SORBS2: variants seen among roughly 807,000 people sequenced by gnomAD.
SORBS2 encodes sorbin and SH3 domain-containing protein 2.
Under a neutral mutation model 97.7 loss-of-function variants are expected in SORBS2, and 46 were observed. The ratio of observed to expected loss-of-function variants is 0.47; its 90% confidence interval spans 0.37 to 0.60. The LOEUF is 0.60. Among genes scored for constraint, SORBS2 ranks in the 20% least tolerant of loss-of-function variants. The pLI, the probability that SORBS2 is intolerant of heterozygous loss-of-function variation, is 0.00. For missense variants in SORBS2, 1,316 were observed against 1,282.3 expected (o/e 1.03, Z -0.40); for synonymous variants, 476 against 473.4 (o/e 1.01, Z -0.07).
intron 2 of SORBS2, among the ~76,000 whole-genome samples, chr4:185,737,659 C>T (rs916234834): frequency 6.6e-6 from 1 of 152,092 alleles, no homozygotes; most frequent in Non-Finnish European, 1.5e-5. Flanking sequence ...GTGGAGAAGG[C>T]GGCTGCCTCT....
intron 1 of SORBS2, among the ~76,000 whole-genome samples, chr4:185,796,068 AT>A (rs958999866): frequency 2.0e-5 from 3 of 151,700 alleles, no homozygotes; most frequent in African/African-American, 7.3e-5. Context: ...AAATTCCCTT[AT>A]TTTTTTTAAA....
At chr4:185,727,245 G>A (rs2098560490) in intron 2 of SORBS2, among the ~76,000 whole-genome samples, 1 of 152,138 alleles carries the variant, frequency 6.6e-6, no homozygotes. Flanking sequence ...CTGAAGAGTG[G>A]ACAGATTCTT....
At chr4:185,925,861 A>T (rs2149942777) in intron 1 of SORBS2, among the ~76,000 whole-genome samples, 1 of 152,340 alleles carries the variant, frequency 6.6e-6, no homozygotes, top group East Asian at 1.9e-4. Context: ...TATAAGAAAG[A>T]ACTAACTAGG....
At chr4:185,752,852 A>G (rs2098809407) in intron 2 of SORBS2, among the ~76,000 whole-genome samples, 1 of 152,220 alleles carries the variant, frequency 6.6e-6, no homozygotes, top group Non-Finnish European at 1.5e-5. Context: ...ATATATCCTG[A>G]AGAATCTGTA....
At chr4:185,617,495 T>C (rs1270093025) in intron 9 of SORBS2, among the ~76,000 whole-genome samples, 1 of 151,178 alleles carries the variant, frequency 6.6e-6, no homozygotes, top group African/African-American at 2.4e-5. Flanking sequence ...TCATATTATA[T>C]GCATTTTTAT....
chr4:185,588,596 TCCTCCTCCTC>T (rs1396489445), intron 14 of SORBS2, among the ~76,000 whole-genome samples: 1 of 150,930 alleles, frequency 6.6e-6, no homozygotes, highest in East Asian at 2.0e-4. Flanking sequence ...TTCTCCTCCC[TCCTCCTCCTC>T]CCTCCTCCTC....
In SORBS2 at chr4:185,785,996, C is replaced by T. The variant is rs141082254; in HGVS notation, c.-337-10630G>A. On this transcript the variant is annotated intron_variant, in intron 1 of 20. Transcript: ENST00000284776. ...TAGATACCATTTTGTTTACATTACA[C>T]GGAAAAAAATTATTTGCAAATTGAT... Among the ~76,000 whole-genome samples, 128 of 152,042 alleles carry T rather than the reference C, an allele frequency of 8.4e-4. 1 individual carries two copies. The highest frequency in any genetic ancestry group is 5.2e-3 in the South Asian group (25 of 4,810).
At chr4:185,828,556 G>A (rs1403296434) in intron 1 of SORBS2, among the ~76,000 whole-genome samples, 3 of 151,892 alleles carry the variant, frequency 2.0e-5, no homozygotes, top group Non-Finnish European at 4.4e-5. Context: ...ATACAACAAA[G>A]AAAGAAAAGA....
chr4:185,712,269 T>A (rs542217975), intron 2 of SORBS2, among the ~76,000 whole-genome samples: 1 of 152,268 alleles, frequency 6.6e-6, no homozygotes, highest in African/African-American at 2.4e-5. Flanking sequence ...GCAGCTTGAC[T>A]TTGGAGGGAC....
chr4:185,644,164 G>A (rs2097172886), intron 4 of SORBS2, among the ~76,000 whole-genome samples: 1 of 152,104 alleles, frequency 6.6e-6, no homozygotes, highest in South Asian at 2.1e-4. Flanking sequence ...AAATTGTTTA[G>A]GAGGGTTAAC....
intron 8 of SORBS2, 29 bp from the exon 21 acceptor site, chr4:185,618,660 A>G: frequency 6.8e-7 from 1 of 1,460,912 alleles, no homozygotes; most frequent in Non-Finnish European, 9.3e-7. Flanking sequence ...AATTAGCACT[A>G]ATTTAAAATT....
At chr4:185,787,519 T>C (rs565535733) in intron 1 of SORBS2, among the ~76,000 whole-genome samples, 9 of 152,308 alleles carry the variant, frequency 5.9e-5, no homozygotes, top group Admixed American at 4.6e-4. Context: ...CTATATAGCC[T>C]CTCTATTTTT....
chr4:185,641,417 G>C (rs1471934173), intron 4 of SORBS2, among the ~76,000 whole-genome samples: 3 of 152,068 alleles, frequency 2.0e-5, no homozygotes, highest in Non-Finnish European at 2.9e-5. Flanking sequence ...CTTTGCTGTG[G>C]TTGCCGTATT....
At chr4:185,867,850 A>G (rs1157903980) in intron 1 of SORBS2, among the ~76,000 whole-genome samples, 1 of 151,920 alleles carries the variant, frequency 6.6e-6, no homozygotes, top group Non-Finnish European at 1.5e-5. Context: ...GGGCACCTAC[A>G]CCTCGAGGGG....
At chr4:185,724,783 C>T (rs1004769291) in intron 2 of SORBS2, among the ~76,000 whole-genome samples, 1 of 152,112 alleles carries the variant, frequency 6.6e-6, no homozygotes, top group Non-Finnish European at 1.5e-5. Context: ...GTAGAATTTC[C>T]CTGACCTTTT....
At chr4:185,635,289 T>C (rs1352155201) in intron 4 of SORBS2, 66 bp downstream of exon 16, 5 of 1,134,186 alleles carry the variant, frequency 4.4e-6, no homozygotes, top group Non-Finnish European at 6.6e-6. Context: ...AAAACACAGA[T>C]GTGCAGAATC....
At chr4:185,775,119 T>A (rs1392749976) in intron 2 of SORBS2, 108 bp downstream of exon 2, 1 of 152,478 alleles carries the variant, frequency 6.6e-6, no homozygotes, top group African/African-American at 2.4e-5. Flanking sequence ...TACCTGAAAA[T>A]TGTTCACAAC....
intron 4 of SORBS2, among the ~76,000 whole-genome samples, chr4:185,645,344 A>G (rs2153453367): frequency 6.6e-6 from 1 of 152,326 alleles, no homozygotes; most frequent in South Asian, 2.1e-4. Flanking sequence ...ATACTCAATC[A>G]CAGAAACTAG....
At chr4:185,725,961 T>C (rs1410975020) in intron 2 of SORBS2, among the ~76,000 whole-genome samples, 1 of 152,242 alleles carries the variant, frequency 6.6e-6, no homozygotes, top group Non-Finnish European at 1.5e-5. Context: ...CTGAACTTTT[T>C]GTTGCTCCTT....
Sources: allele counts gnomAD v4.1 joint callset (sites outside exome capture counted in the v4.1 genomes callset), GRCh38; gene constraint gnomAD v4.1.1; transcripts MANE v1.5; gene names NCBI Gene and HGNC (gene_info 2026-07-23, HGNC 2026-07-21).